The following TET1 variants were observed in gnomAD, a reference collection of about 807,000 sequenced individuals.
TET1 encodes the protein tet methylcytosine dioxygenase 1.
In TET1, 13 loss-of-function variants were observed where a neutral mutation model predicts 148.7. The observed-to-expected ratio is 0.09, with a 90% CI of 0.06 to 0.14. TET1 has a LOEUF of 0.14. Ranked by LOEUF, TET1 falls within the 10% of genes least tolerant of loss-of-function variation. The pLI is 1.00. For synonymous variants in TET1, 907 were observed against 937.2 expected, an observed-to-expected ratio of 0.97 and a Z score of 0.59; for missense variants, 2,182 against 2,553.8, an observed-to-expected ratio of 0.85 and a Z score of 3.14.
At chr10:68,644,197 C>T (rs945315976) in intron 3 of TET1, among the ~76,000 whole-genome samples, 1 of 150,342 alleles carries the variant, frequency 6.7e-6, no homozygotes, top group Non-Finnish European at 1.5e-5. Flanking sequence ...GCCACCACCC[C>T]TGGCCTTTGA....
rs376022699 is a variant in TET1, at chr10:68,573,352, C to G, written c.1014C>G (p.Thr338=). 7.4e-6 allele frequency: 12 copies of G among 1,614,036 alleles called. No homozygotes were observed. The highest frequency in any genetic ancestry group is 1.7e-5 in the Admixed American group (1 of 60,016). The change falls in exon 2 of 12, where the codon ACC becomes ACG. Residue 338 remains threonine, a synonymous_variant. Coordinates refer to ENST00000373644, the MANE Select transcript of TET1 (RefSeq NM_030625.3). ...KFLLAGSKQA[T]LGAKPDHQEA... ...TCTTGGCAGGCTCAAAACAAGCGAC[C>G]CTTGGTGCTAAACCAGATCATCAAG...
rs1564975165 is a variant in TET1 at position 68,624,675 on chromosome 10, TC to T, written c.1969-20022del. On this transcript the variant is annotated intron_variant, in intron 3 of 11. Coordinates refer to ENST00000373644, the MANE Select transcript of TET1 (RefSeq NM_030625.3). ...TTCTTTCTTTCTCTCTCTCTCTCTCTCTCTCTCTCTCTCTCTCTCTCTTTCT... is the reference window on the plus strand; with the variant it reads ...TTCTTTCTTTCTCTCTCTCTCTCTCTTCTCTCTCTCTCTCTCTCTCTTTCT... 3.1e-4 allele frequency among the ~76,000 whole-genome samples: 36 copies of T among 114,592 alleles called. 1 individual carries two copies. The highest frequency in any genetic ancestry group is 4.2e-3 in the Middle Eastern group (1 of 236). The allele number at this position is 114,592 out of a possible 152,430, so 75.2% of individuals were successfully genotyped here.
chr10:68,680,929 G>A (rs1224785565), intron 8 of TET1, among the ~76,000 whole-genome samples: 1 of 152,172 alleles, frequency 6.6e-6, no homozygotes, highest in African/African-American at 2.4e-5. Context: ...TAATTCATAA[G>A]GACATATGGA....
At chr10:68,565,571 G>A (rs990160557) in intron 1 of TET1, among the ~76,000 whole-genome samples, 12 of 151,100 alleles carry the variant, frequency 7.9e-5, no homozygotes, top group Admixed American at 2.0e-4. Context: ...TGGAAGCAGA[G>A]CATTTAATAA....
rs1330537599 is a variant in TET1, at chr10:68,693,612, G to A, written c.*1798G>A. 1 of 232,302 alleles carries A rather than the reference G, an allele frequency of 4.3e-6. No individual in the cohort carries two copies. The highest frequency in any genetic ancestry group is 8.5e-6 in the Non-Finnish European group (1 of 117,662). The allele number at this position is 232,302 out of a possible 1,614,324, so 14.4% of individuals were successfully genotyped here. A position where few individuals can be genotyped will look rare whatever the true frequency, so the allele number is the denominator to read the frequency against. The stretch of plus-strand genomic sequence containing the variant: ...TCTGCTTGTTGAATATGTAAAATAG[G>A]GTAATTCATTGACTTGTTTTAGTAT... On this transcript the variant is annotated 3_prime_UTR_variant, in exon 12 of 12. Coordinates refer to ENST00000373644, the MANE Select transcript of TET1 (RefSeq NM_030625.3).
At position 68,683,606 on chromosome 10, in the gene TET1, G is replaced by T. The variant is rs10998383; in HGVS notation, c.5052+633G>T. 5.5e-5 allele frequency among the ~76,000 whole-genome samples: 8 copies of T among 145,340 alleles called. No homozygotes were observed. The Admixed American group carries it at 5.5e-4, about 10-fold the overall frequency. ...TTTTTGTATTTTTAGTAGAGATGGG[G>T]TTTCACCGTGTTAGCCAGGATGGTC... On this transcript the variant is annotated intron_variant, in intron 10 of 11. Transcript: ENST00000373644.
chr10:68,580,536 TC>T (rs2053782437), intron 2 of TET1, among the ~76,000 whole-genome samples: 4 of 150,168 alleles, frequency 2.7e-5, no homozygotes, highest in Admixed American at 1.3e-4. Context: ...TCCTAGCACT[TC>T]GGGAGGCCAA....
intron 2 of TET1, among the ~76,000 whole-genome samples, chr10:68,582,545 A>G (rs1047510136): frequency 1.3e-5 from 2 of 152,214 alleles, no homozygotes; most frequent in Admixed American, 6.6e-5. Flanking sequence ...ATATGATACA[A>G]ATTGAACGAC....
intron 8 of TET1, 139 bp downstream of exon 8, chr10:68,673,184 A>G: frequency 1.9e-6 from 1 of 522,842 alleles, no homozygotes; most frequent in Non-Finnish European, 2.9e-6. Flanking sequence ...TTATATTTCT[A>G]TTATATAAGT....
At chr10:68,569,869 T>G (rs1367803529) in intron 1 of TET1, among the ~76,000 whole-genome samples, 1 of 151,530 alleles carries the variant, frequency 6.6e-6, no homozygotes, top group Non-Finnish European at 1.5e-5. Flanking sequence ...CTTACCTTAT[T>G]TGAGGAACTT....
rs1449177074 is a variant in TET1, at chr10:68,572,828, C to A, written c.490C>A (p.Gln164Lys). 6.2e-7 allele frequency: 1 copy of A among 1,614,118 alleles called. No individual in the cohort carries two copies. Among genetic ancestry groups the A allele is most frequent in the Admixed American group, 1.7e-5 (1 of 60,012 alleles). The change falls in exon 2 of 12, where the codon CAA (glutamine) becomes AAA (lysine). Residue 164 changes from glutamine to lysine, a missense_variant. Coordinates refer to ENST00000373644, the MANE Select transcript of TET1 (RefSeq NM_030625.3). Reference protein sequence around the residue: ...ENDSVPMQDTQVLPDIETLIG... With the variant: ...ENDSVPMQDTKVLPDIETLIG... ...TGATTCGGTTCCAATGCAAGACACC[C>A]AAGTCCTTCCTGATATAGAGACTCT... is the stretch of plus-strand genomic sequence containing the variant.
At chr10:68,639,412 A>C (rs2054705459) in intron 3 of TET1, among the ~76,000 whole-genome samples, 1 of 150,656 alleles carries the variant, frequency 6.6e-6, no homozygotes, top group Non-Finnish European at 1.5e-5. Flanking sequence ...ACAGAGCAAG[A>C]CTCCGTCTCA....
intron 8 of TET1, among the ~76,000 whole-genome samples, chr10:68,679,086 A>C (rs1333618377): frequency 1.3e-5 from 2 of 152,168 alleles, no homozygotes; most frequent in Non-Finnish European, 2.9e-5. Context: ...CTGAGGCAGG[A>C]GAATTGCTTG....
rs1472403820 is a variant in TET1, at chr10:68,584,572, G to C, written c.1914+10320G>C. 3.6e-3 allele frequency among the ~76,000 whole-genome samples: 545 copies of C among 151,452 alleles called. 2 individuals are homozygous for C. Among genetic ancestry groups the C allele is most frequent in the African/African-American group, 0.013 (527 of 41,392 alleles). ...AAAAATGCAAAAATTAGCCAGGCGT[G>C]GTGGCATGCACCTGTAATCCCAGCT... On this transcript the variant is annotated intron_variant, in intron 2 of 11. Coordinates refer to ENST00000373644, the MANE Select transcript of TET1 (RefSeq NM_030625.3).
intron 7 of TET1, among the ~76,000 whole-genome samples, chr10:68,671,346 AGC>A (rs1438772342): frequency 6.6e-6 from 1 of 152,204 alleles, no homozygotes; most frequent in Non-Finnish European, 1.5e-5. Context: ...AGTGGCCTTT[AGC>A]TTTATTCATG....
intron 1 of TET1, among the ~76,000 whole-genome samples, chr10:68,561,577 G>T (rs1363753673): frequency 6.6e-6 from 1 of 152,150 alleles, no homozygotes; most frequent in Non-Finnish European, 1.5e-5. Context: ...GGAGCTGGGT[G>T]CTGGGGCTGG....
chr10:68,578,587 C>T (rs1237595486), intron 2 of TET1, among the ~76,000 whole-genome samples: 1 of 151,802 alleles, frequency 6.6e-6, no homozygotes, highest in Non-Finnish European at 1.5e-5. Flanking sequence ...TTTTTAAAGC[C>T]CCAACCATGG....
chr10:68,632,995 C>A (rs1028767414), intron 3 of TET1, among the ~76,000 whole-genome samples: 2 of 151,854 alleles, frequency 1.3e-5, no homozygotes, highest in Non-Finnish European at 2.9e-5. Flanking sequence ...AGCAGCTTGT[C>A]TAACGTGGTG....
In TET1 at chr10:68,659,231, A is replaced by G. The variant is rs115135725; in HGVS notation, c.4461+6637A>G. Among the ~76,000 whole-genome samples, 659 of 152,314 alleles carry G rather than the reference A, an allele frequency of 4.3e-3. 6 individuals carry two copies. Among genetic ancestry groups the G allele is most frequent in the African/African-American group, 6.4e-3 (268 of 41,588 alleles). On this transcript the variant is annotated intron_variant, in intron 6 of 11. Coordinates refer to ENST00000373644, the MANE Select transcript of TET1 (RefSeq NM_030625.3). ...ACAGTGGATGGCCTCATTGGCCCCA[A>G]TGCCTGAGTGCTTCACATTGGGCAT...
Sources: allele counts gnomAD v4.1 joint callset (sites outside exome capture counted in the v4.1 genomes callset), GRCh38; gene constraint gnomAD v4.1.1; transcripts MANE v1.5; gene names NCBI Gene and HGNC (gene_info 2026-07-23, HGNC 2026-07-21).